The following EDNRB variants were observed in gnomAD, a reference collection of about 807,000 sequenced individuals.
EDNRB encodes Hirschsprung disease 2.
In EDNRB, 18 loss-of-function variants were observed where a neutral mutation model predicts 46.4. That is an observed-to-expected ratio of 0.39 (90% CI 0.27 to 0.57). EDNRB has a LOEUF of 0.57. Ranked by LOEUF, EDNRB falls within the 20% of genes least tolerant of loss-of-function variation. The pLI, the probability that EDNRB is intolerant of heterozygous loss-of-function variation, is 0.61. For synonymous variants in EDNRB, 213 were observed against 204.9 expected (o/e 1.04, Z -0.34); for missense variants, 434 against 537.5 (o/e 0.81, Z 1.90).
chr13:77,970,928 G>C (rs1209834895), intron 1 of EDNRB, among the ~76,000 whole-genome samples: 1 of 152,162 alleles, frequency 6.6e-6, no homozygotes, highest in African/African-American at 2.4e-5. Flanking sequence ...CAAATTTTAA[G>C]GAAAATGAGT....
chr13:77,903,199 C>T lies in EDNRB; in HGVS notation c.758G>A (p.Arg253Gln), dbSNP rs140514830. 3.1e-5 allele frequency: 50 copies of T among 1,612,704 alleles called. No homozygotes were observed. Among genetic ancestry groups the T allele is most frequent in the Admixed American group, 1.5e-4 (9 of 59,854 alleles). The change falls in exon 3 of 7, where the codon CGA becomes CAA. Residue 253 changes from arginine to glutamine, a missense_variant. Arg to Gln is a conservative substitution (Grantham distance 43). Coordinates refer to ENST00000646607, the MANE Select transcript of EDNRB (RefSeq NM_001122659.3). ...ITMDYKGSYL[R>Q]ICLLHPVQKT... ...CTGAACGGGATGAAGCAAGCAGATT[C>T]GCAGATAACTTCCTTTGTAGTCCAT...
intron 1 of EDNRB, among the ~76,000 whole-genome samples, chr13:77,948,579 A>G (rs1010306614): frequency 6.6e-6 from 1 of 152,234 alleles, no homozygotes; most frequent in Non-Finnish European, 1.5e-5. Context: ...TTCACACCTG[A>G]TAGATGGCTT....
In EDNRB at chr13:77,898,043, A is replaced by G; in HGVS notation, c.*157T>C. 1 of 1,437,408 alleles carries G rather than the reference A, an allele frequency of 7.0e-7. No homozygotes were observed. Among genetic ancestry groups the G allele is most frequent in the Admixed American group, 2.6e-5 (1 of 38,748 alleles). The allele number at this position is 1,437,408 out of a possible 1,614,324, so 89.0% of individuals were successfully genotyped here. A position where few individuals can be genotyped will look rare whatever the true frequency, so the allele number is the denominator to read the frequency against. ...TGCCGTAAACAGCTCATAAAATGTC[A>G]TATGTAGCTGTGAGTGTTAAAATAA... is the stretch of plus-strand genomic sequence containing the variant. On this transcript the variant is annotated 3_prime_UTR_variant, in exon 7 of 7. Coordinates refer to ENST00000646607, the MANE Select transcript of EDNRB (RefSeq NM_001122659.3).
At chr13:77,930,904 T>C (rs1362888902) in intron 1 of EDNRB, among the ~76,000 whole-genome samples, 1 of 151,348 alleles carries the variant, frequency 6.6e-6, no homozygotes, top group Non-Finnish European at 1.5e-5. Flanking sequence ...ACTATCTATT[T>C]TATGACACTT....
chr13:77,959,966 A>T (rs992329466), intron 1 of EDNRB, among the ~76,000 whole-genome samples: 8 of 152,238 alleles, frequency 5.3e-5, no homozygotes, highest in African/African-American at 1.7e-4. Context: ...AATGAAATGA[A>T]GTGAGAAGAT....
At chr13:77,901,615 A>G (rs1240527702) in intron 3 of EDNRB, among the ~76,000 whole-genome samples, 1 of 151,996 alleles carries the variant, frequency 6.6e-6, no homozygotes, top group Non-Finnish European at 1.5e-5. Context: ...AGTTTGTTTA[A>G]TGGGAACAAC....
chr13:77,906,138 G>T (rs189377025), intron 1 of EDNRB, among the ~76,000 whole-genome samples: 90 of 151,958 alleles, frequency 5.9e-4, no homozygotes, highest in Admixed American at 1.6e-3. Flanking sequence ...TTGCTGATGG[G>T]TTGGACACAT....
At position 77,897,978 on chromosome 13, in the gene EDNRB, C is replaced by A; in HGVS notation, c.*222G>T. The A allele has an allele frequency of 7.5e-7, 1 of 1,328,508 alleles. No homozygotes were observed. The highest frequency in any genetic ancestry group is 9.6e-7 in the Non-Finnish European group (1 of 1,036,306). 82.3% of individuals were successfully genotyped at this position (1,328,508 alleles called of 1,614,324 possible). ...CTAACTGTAAAAAATTAAGTGCTTT[C>A]ACGACGAGGCTTTCTTAATTCCCAC... On this transcript the variant is annotated 3_prime_UTR_variant, in exon 7 of 7. Transcript: ENST00000646607.
chr13:77,946,378 T>A (rs1880917166), intron 1 of EDNRB, among the ~76,000 whole-genome samples: 1 of 152,204 alleles, frequency 6.6e-6, no homozygotes, highest in Non-Finnish European at 1.5e-5. Flanking sequence ...GGTGTAAAGC[T>A]AGCTATGTCA....
In EDNRB at chr13:77,955,845, G is replaced by GTATGTATC. The variant is rs772011936; in HGVS notation, c.-52+19501_-52+19502insGATACATA. 3.6e-3 allele frequency among the ~76,000 whole-genome samples: 528 copies of GTATGTATC among 145,738 alleles called. 4 individuals carry two copies. Among genetic ancestry groups the GTATGTATC allele is most frequent in the Non-Finnish European group, 4.8e-3 (322 of 66,864 alleles). On this transcript the variant is annotated intron_variant, in intron 1 of 7. Coordinates refer to the EDNRB transcript ENST00000646948. Reference sequence around the variant, plus strand: ...CATTGGGGTGTGTGTATGTGTGTGTGTATCTATCTATCTATCTATCTATCT... The same window carrying GTATGTATC: ...CATTGGGGTGTGTGTATGTGTGTGTGTATGTATCTATCTATCTATCTATCTATCTATCT...
chr13:77,955,684 G>T (rs1016762367), intron 1 of EDNRB, among the ~76,000 whole-genome samples: 1 of 151,932 alleles, frequency 6.6e-6, no homozygotes, highest in African/African-American at 2.4e-5. Flanking sequence ...TCATTCTTTT[G>T]CTTGTAAATA....
intron 1 of EDNRB, among the ~76,000 whole-genome samples, chr13:77,927,929 C>T (rs957233538): frequency 7.2e-5 from 11 of 152,296 alleles, no homozygotes; most frequent in African/African-American, 2.6e-4. Flanking sequence ...GAATAAGTCT[C>T]ATGAGATCTG....
intron 1 of EDNRB, among the ~76,000 whole-genome samples, chr13:77,911,209 A>C (rs894559791): frequency 6.6e-6 from 1 of 152,092 alleles, no homozygotes; most frequent in Admixed American, 6.6e-5. Flanking sequence ...CACTGGTGAT[A>C]TCTGAAGACA....
intron 1 of EDNRB, among the ~76,000 whole-genome samples, chr13:77,916,984 C>G (rs949899123): frequency 6.6e-6 from 1 of 151,618 alleles, no homozygotes; most frequent in African/African-American, 2.4e-5. Context: ...ATTGAGGAAA[C>G]TGAGGCCCAG....
chr13:77,915,752 T>C (rs1489965251), intron 1 of EDNRB, among the ~76,000 whole-genome samples: 1 of 152,200 alleles, frequency 6.6e-6, no homozygotes, highest in Non-Finnish European at 1.5e-5. Context: ...ATGATGACCT[T>C]AGTGATGGGA....
At chr13:77,931,076 G>T (rs1197644171) in intron 1 of EDNRB, among the ~76,000 whole-genome samples, 1 of 152,164 alleles carries the variant, frequency 6.6e-6, no homozygotes, top group Admixed American at 6.5e-5. Flanking sequence ...AATAGTTGCT[G>T]CCCAATGTCA....
At chr13:77,919,025 T>C (rs1879973725), upstream of EDNRB, 2 of 636,700 alleles carry the variant, frequency 3.1e-6, no homozygotes, top group African/African-American at 3.8e-5. Flanking sequence ...CAAGGGCTTG[T>C]GTCAAGCTCT....
At chr13:77,969,150 T>G (rs1045135021) in intron 1 of EDNRB, among the ~76,000 whole-genome samples, 2 of 152,226 alleles carry the variant, frequency 1.3e-5, no homozygotes, top group African/African-American at 2.4e-5. Context: ...TTGGATATTT[T>G]GTGTCATTGC....
At chr13:77,917,976 G>A in intron 1 of EDNRB, 115 bp downstream of exon 1, 7 of 1,515,148 alleles carry the variant, frequency 4.6e-6, no homozygotes, top group Non-Finnish European at 6.4e-6. Flanking sequence ...TTTAGGAGGG[G>A]CAGAACCTTA....
Sources: gnomAD v4.1 joint callset for allele counts (sites outside exome capture counted in the v4.1 genomes callset) on GRCh38, gnomAD v4.1.1 for gene constraint, MANE v1.5 for transcripts, NCBI Gene and HGNC (gene_info 2026-07-23, HGNC 2026-07-21) for gene names.